The following EDIL3 variants were observed in gnomAD, a reference collection of about 807,000 sequenced individuals.
EDIL3 encodes the protein EGF-like repeat and discoidin I-like domain-containing protein 3.
EDIL3 carries 37 observed loss-of-function variants against 67.4 expected under a neutral mutation model. The observed-to-expected ratio is 0.55, with a 90% CI of 0.42 to 0.72. The LOEUF is 0.72. Ranked by LOEUF, EDIL3 falls within the 30% of genes least tolerant of loss-of-function variation. EDIL3 has a pLI of 0.00. For synonymous variants in EDIL3, 195 were observed against 196.3 expected, an observed-to-expected ratio of 0.99 and a Z score of 0.05; for missense variants, 527 against 586.3, an observed-to-expected ratio of 0.90 and a Z score of 1.04.
chr5:84,332,558 C>T (rs924441453), intron 1 of EDIL3, among the ~76,000 whole-genome samples: 3 of 152,106 alleles, frequency 2.0e-5, no homozygotes, highest in African/African-American at 7.2e-5. Flanking sequence ...CCCTTCTTTT[C>T]AGGTATGCAG....
Position 83,943,304 on chromosome 5 carries a change from C to T in EDIL3, c.*115G>A. On this transcript the variant is annotated 3_prime_UTR_variant, in exon 11 of 11. Coordinates refer to ENST00000296591, the MANE Select transcript of EDIL3 (RefSeq NM_005711.5). ...TTAGTTGCCTACCATAATTTGAGCA[C>T]TTTTTCATGAAAAAAAAAAAAAAAC... is the stretch of plus-strand genomic sequence containing the variant. 1 of 1,454,364 alleles carries T rather than the reference C, an allele frequency of 6.9e-7. No individual in the cohort carries two copies. Among genetic ancestry groups the T allele is most frequent in the Non-Finnish European group, 9.3e-7 (1 of 1,077,788 alleles). 90.1% of individuals were successfully genotyped at this position (1,454,364 alleles called of 1,614,324 possible).
chr5:84,376,493 T>TA (rs1222920739), intron 1 of EDIL3, among the ~76,000 whole-genome samples: 2 of 152,216 alleles, frequency 1.3e-5, no homozygotes, highest in Non-Finnish European at 2.9e-5. Flanking sequence ...CAAACACAGT[T>TA]AAGTACTTTA....
chr5:84,006,441 G>T (rs2080245989), intron 9 of EDIL3, among the ~76,000 whole-genome samples: 1 of 152,090 alleles, frequency 6.6e-6, no homozygotes, highest in East Asian at 1.9e-4. Flanking sequence ...AGGCCATTAT[G>T]CTATGCAAAC....
chr5:84,023,396 GAC>G (rs1450270507), intron 9 of EDIL3, among the ~76,000 whole-genome samples: 1 of 151,854 alleles, frequency 6.6e-6, no homozygotes, highest in Non-Finnish European at 1.5e-5. Flanking sequence ...AATTACCTTT[GAC>G]ACATCTTTAA....
chr5:84,289,608 A>T (rs1054047755), intron 1 of EDIL3, among the ~76,000 whole-genome samples: 4 of 152,100 alleles, frequency 2.6e-5, no homozygotes, highest in Admixed American at 6.6e-5. Context: ...TTGGTTGTGA[A>T]TCTAGTGGGT....
At chr5:84,313,363 A>G (rs908970321) in intron 1 of EDIL3, among the ~76,000 whole-genome samples, 4 of 152,220 alleles carry the variant, frequency 2.6e-5, no homozygotes, top group African/African-American at 7.2e-5. Context: ...TGTTTTAACA[A>G]AAGCTTGATA....
intron 1 of EDIL3, among the ~76,000 whole-genome samples, chr5:84,299,596 A>G (rs1297414011): frequency 6.6e-6 from 1 of 152,182 alleles, no homozygotes; most frequent in Non-Finnish European, 1.5e-5. Flanking sequence ...ACATAAACTT[A>G]TATTCAATTG....
At chr5:83,986,724 C>A (rs951177288) in intron 9 of EDIL3, among the ~76,000 whole-genome samples, 1 of 151,928 alleles carries the variant, frequency 6.6e-6, no homozygotes, top group African/African-American at 2.4e-5. Context: ...GAAGGGACAG[C>A]CAGCAGAGTC....
chr5:84,066,766 T>A (rs1164246019), intron 6 of EDIL3, among the ~76,000 whole-genome samples, 160 bp from the exon 7 acceptor site: 2 of 152,218 alleles, frequency 1.3e-5, no homozygotes, highest in East Asian at 3.9e-4. Flanking sequence ...ATATATTAAA[T>A]TTAGCTTCAA....
At chr5:84,217,721 AACACACACACACACACAC>A (rs61264723) in intron 3 of EDIL3, among the ~76,000 whole-genome samples, 4 of 134,932 alleles carry the variant, frequency 3.0e-5, no homozygotes, top group South Asian at 5.0e-4. Flanking sequence ...TATACACACA[AACACACACACACACACAC>A]ACACACACAC....
intron 8 of EDIL3, 133 bp from the exon 9 acceptor site, chr5:84,060,617 CA>C (rs553670570): frequency 2.9e-4 from 263 of 914,144 alleles, no homozygotes; most frequent in South Asian, 3.5e-4. Flanking sequence ...CATCTAAATC[CA>C]AAAAAAAGCT....
intron 1 of EDIL3, among the ~76,000 whole-genome samples, chr5:84,371,341 A>ATATATGTG (rs1008172581): frequency 8.8e-4 from 114 of 129,700 alleles, no homozygotes; most frequent in African/African-American, 2.9e-3. Context: ...ATATATATAT[A>ATATATGTG]TGTGTGTGTG....
intron 1 of EDIL3, among the ~76,000 whole-genome samples, chr5:84,271,836 G>C (rs1278927484): frequency 6.6e-6 from 1 of 152,088 alleles, no homozygotes; most frequent in Non-Finnish European, 1.5e-5. Context: ...CCTCAGGCAG[G>C]ATGGCATAAA....
chr5:84,021,844 G>A (rs73151655), intron 9 of EDIL3, among the ~76,000 whole-genome samples: 4,736 of 151,910 alleles, frequency 0.031, 254 homozygotes, highest in African/African-American at 0.11. Flanking sequence ...TACCAAGATT[G>A]AATTTAGAAG....
chr5:83,951,324 T>C (rs1744417573), intron 10 of EDIL3, among the ~76,000 whole-genome samples: 1 of 151,794 alleles, frequency 6.6e-6, no homozygotes, highest in African/African-American at 2.4e-5. Context: ...AAAAAGTAGA[T>C]TTTTGGCTTC....
chr5:84,036,258 C>T lies in EDIL3; in HGVS notation c.1137+24042G>A, dbSNP rs1285429693. 2.0e-4 allele frequency among the ~76,000 whole-genome samples: 30 copies of T among 152,148 alleles called. 2 individuals carry two copies. Among genetic ancestry groups the T allele is most frequent in the Admixed American group, 2.0e-3 (30 of 15,272 alleles). On this transcript the variant is annotated intron_variant, in intron 9 of 10. Transcript: ENST00000296591. ...GCAGGTATGGGCAGATTCAGTGCTT[C>T]TCACTATGAAGGATTATTCTGCACT...
intron 1 of EDIL3, among the ~76,000 whole-genome samples, chr5:84,296,189 A>G (rs1346880814): frequency 2.0e-5 from 3 of 152,186 alleles, no homozygotes; most frequent in Non-Finnish European, 4.4e-5. Context: ...AAAAGTTACT[A>G]AAGTCTTTCC....
chr5:84,106,950 C>T, intron 5 of EDIL3, 120 bp from the exon 6 acceptor site: 1 of 1,064,574 alleles, frequency 9.4e-7, no homozygotes, highest in East Asian at 2.5e-5. Context: ...ATGCTATTTA[C>T]TCTTCATCCC....
chr5:84,325,085 G>A (rs1482172440), intron 1 of EDIL3, among the ~76,000 whole-genome samples: 1 of 151,776 alleles, frequency 6.6e-6, no homozygotes, highest in African/African-American at 2.4e-5. Flanking sequence ...GTGATTTCTT[G>A]GACATGACAT....
Sources: gnomAD v4.1 joint callset for allele counts (sites outside exome capture counted in the v4.1 genomes callset) on GRCh38, gnomAD v4.1.1 for gene constraint, MANE v1.5 for transcripts, NCBI Gene and HGNC (gene_info 2026-07-23, HGNC 2026-07-21) for gene names.